Variants in ENOX1 observed in about 807,000 individuals in gnomAD.
ENOX1 encodes the protein ecto-NOX disulfide-thiol exchanger 1, also known as candidate growth-related and time keeping constitutive hydroquinone (NADH) oxidase.
A neutral mutation model predicts 82.5 loss-of-function variants in ENOX1; 42 were observed. The ratio of observed to expected loss-of-function variants is 0.51; its 90% CI spans 0.40 to 0.66. The LOEUF (loss-of-function observed/expected upper bound fraction) is 0.66. Ranked by LOEUF, ENOX1 falls within the 30% of genes least tolerant of loss-of-function variation. ENOX1 has a pLI of 0.00. For missense variants in ENOX1, 608 were observed against 811.6 expected (o/e 0.75, Z 3.05); for synonymous variants, 271 against 282.2 (o/e 0.96, Z 0.40).
At chr13:43,404,615 A>G (rs1281335936) in intron 5 of ENOX1, among the ~76,000 whole-genome samples, 1 of 152,228 alleles carries the variant, frequency 6.6e-6, no homozygotes, top group African/African-American at 2.4e-5. Context: ...ATAATTAGTC[A>G]TTTGTATAAT....
At chr13:43,644,841 C>T (rs2083819918) in intron 2 of ENOX1, among the ~76,000 whole-genome samples, 1 of 152,182 alleles carries the variant, frequency 6.6e-6, no homozygotes. Context: ...GAACATGGAT[C>T]CTTGCTCTTC....
intron 2 of ENOX1, among the ~76,000 whole-genome samples, chr13:43,628,505 T>C (rs757769284): frequency 1.1e-4 from 17 of 152,200 alleles, no homozygotes; most frequent in Admixed American, 2.6e-4. Flanking sequence ...GAGCTTTCTA[T>C]TTTTGCATTT....
intron 2 of ENOX1, among the ~76,000 whole-genome samples, chr13:43,601,346 T>C (rs75597270): frequency 0.014 from 2,182 of 152,072 alleles, 29 homozygotes; most frequent in Non-Finnish European, 0.02. Context: ...ACTGAAATAA[T>C]TAAAAAGAAT....
intron 3 of ENOX1, among the ~76,000 whole-genome samples, chr13:43,420,573 T>C (rs1047028370): frequency 1.3e-5 from 2 of 152,034 alleles, no homozygotes; most frequent in Non-Finnish European, 2.9e-5. Context: ...TAAAGTGTGG[T>C]AAAAGAAAAC....
chr13:43,504,541 T>C (rs918801431), intron 2 of ENOX1, among the ~76,000 whole-genome samples: 1 of 151,784 alleles, frequency 6.6e-6, no homozygotes, highest in African/African-American at 2.4e-5. Flanking sequence ...TGGAAGACAT[T>C]ATGCTCAGTA....
intron 10 of ENOX1, among the ~76,000 whole-genome samples, chr13:43,323,513 T>C (rs2047930871): frequency 6.6e-6 from 1 of 152,236 alleles, no homozygotes; most frequent in Non-Finnish European, 1.5e-5. Flanking sequence ...GCCTAAAATC[T>C]GAACATTGTA....
intron 2 of ENOX1, among the ~76,000 whole-genome samples, chr13:43,649,910 T>C (rs2084077614): frequency 6.6e-6 from 1 of 152,164 alleles, no homozygotes; most frequent in South Asian, 2.1e-4. Context: ...CCTCAGTTAC[T>C]CCCTCCAGGA....
At chr13:43,771,783 G>C (rs956756670) in intron 1 of ENOX1, among the ~76,000 whole-genome samples, 1 of 148,456 alleles carries the variant, frequency 6.7e-6, no homozygotes, top group African/African-American at 2.5e-5. Flanking sequence ...TTTTTTCTTT[G>C]AGATGGAGTC....
At chr13:43,703,698 A>G (rs909805253) in intron 1 of ENOX1, among the ~76,000 whole-genome samples, 4 of 152,166 alleles carry the variant, frequency 2.6e-5, no homozygotes, top group African/African-American at 9.7e-5. Flanking sequence ...TTTCCAAATG[A>G]AGACTTTACC....
chr13:43,228,254 T>C (rs1475991695), intron 15 of ENOX1, among the ~76,000 whole-genome samples: 3 of 152,104 alleles, frequency 2.0e-5, no homozygotes, highest in Non-Finnish European at 4.4e-5. Flanking sequence ...CTTGGTAAAA[T>C]GAACACTAGG....
rs138246724 is a variant in ENOX1, at chr13:43,511,908, G to A, written c.-218-27756C>T. Reference sequence around the variant, plus strand: ...TGCAAATTCCCTAGCTTAAGGCTGAGAAGTGCGTATGTGTGTATACTTATG... The same window carrying A: ...TGCAAATTCCCTAGCTTAAGGCTGAAAAGTGCGTATGTGTGTATACTTATG... On this transcript the variant is annotated intron_variant, in intron 2 of 16. Coordinates refer to ENST00000690772, the MANE Select transcript of ENOX1 (RefSeq NM_001347969.2). Among the ~76,000 whole-genome samples, 256 of 152,200 alleles carry A rather than the reference G, an allele frequency of 1.7e-3. 1 individual carries two copies. Among genetic ancestry groups the A allele is most frequent in the Middle Eastern group, 3.4e-3 (1 of 294 alleles).
At chr13:43,753,155 C>T (rs1023206215) in intron 1 of ENOX1, among the ~76,000 whole-genome samples, 28 of 152,154 alleles carry the variant, frequency 1.8e-4, no homozygotes, top group African/African-American at 6.5e-4. Context: ...CCACCACGCC[C>T]GGCCTCATTG....
intron 15 of ENOX1, among the ~76,000 whole-genome samples, chr13:43,233,426 G>T (rs1464540100): frequency 6.6e-6 from 1 of 152,068 alleles, no homozygotes; most frequent in South Asian, 2.1e-4. Context: ...GAAATCCCAC[G>T]GATCCTCTCT....
chr13:43,752,765 A>G (rs1219217836), intron 1 of ENOX1, among the ~76,000 whole-genome samples: 1 of 152,028 alleles, frequency 6.6e-6, no homozygotes, highest in Non-Finnish European at 1.5e-5. Flanking sequence ...TCTTTTGATT[A>G]CTGTAGCATT....
chr13:43,484,470 G>A (rs1349923804), intron 2 of ENOX1, among the ~76,000 whole-genome samples: 1 of 152,162 alleles, frequency 6.6e-6, no homozygotes, highest in Admixed American at 6.5e-5. Flanking sequence ...GTGTCTACCA[G>A]ATATAAGGCA....
chr13:43,297,341 T>C (rs1368004174), intron 12 of ENOX1, among the ~76,000 whole-genome samples: 2 of 152,132 alleles, frequency 1.3e-5, no homozygotes, highest in Non-Finnish European at 2.9e-5. Flanking sequence ...TCAATATGGA[T>C]GGGGGAATTA....
intron 2 of ENOX1, among the ~76,000 whole-genome samples, chr13:43,568,296 GGCA>G (rs1274187818): frequency 6.6e-6 from 1 of 152,156 alleles, no homozygotes; most frequent in African/African-American, 2.4e-5. Flanking sequence ...GCAGTTGACA[GGCA>G]CGAGACACAT....
intron 1 of ENOX1, among the ~76,000 whole-genome samples, chr13:43,769,268 CA>C (rs1369345132): frequency 6.6e-6 from 1 of 152,174 alleles, no homozygotes; most frequent in Non-Finnish European, 1.5e-5. Context: ...CCCTCTCCTT[CA>C]CATTAATAAA....
At chr13:43,420,089 T>C (rs1217061447) in intron 3 of ENOX1, among the ~76,000 whole-genome samples, 1 of 152,200 alleles carries the variant, frequency 6.6e-6, no homozygotes, top group Non-Finnish European at 1.5e-5. Context: ...AAAAGAAAGA[T>C]ACATTTCCTT....
Sources: gnomAD v4.1 joint callset for allele counts (sites outside exome capture counted in the v4.1 genomes callset) on GRCh38, gnomAD v4.1.1 for gene constraint, MANE v1.5 for transcripts, NCBI Gene and HGNC (gene_info 2026-07-23, HGNC 2026-07-21) for gene names.